DLGAP1: variants seen among roughly 807,000 people sequenced by gnomAD.
The protein encoded by DLGAP1 is disks large-associated protein 1.
A neutral mutation model predicts 90.8 loss-of-function variants in DLGAP1; 11 were observed. That is an observed-to-expected ratio of 0.12 (90% CI 0.08 to 0.20). DLGAP1 has a LOEUF of 0.20. DLGAP1 is among the 10% of genes least tolerant of loss of function. The pLI is 1.00. For synonymous variants in DLGAP1, 558 were observed against 540.7 expected (o/e 1.03, Z -0.44); for missense variants, 1,050 against 1,333.8 (o/e 0.79, Z 3.31).
chr18:3,682,158 C>G (rs2060543878), intron 7 of DLGAP1, among the ~76,000 whole-genome samples: 1 of 150,626 alleles, frequency 6.6e-6, no homozygotes, highest in African/African-American at 2.4e-5. Flanking sequence ...AACGAACGAA[C>G]TAACTAATTA....
At chr18:4,051,840 T>A (rs902701410) in intron 2 of DLGAP1, among the ~76,000 whole-genome samples, 1 of 152,194 alleles carries the variant, frequency 6.6e-6, no homozygotes, top group Admixed American at 6.5e-5. Flanking sequence ...GGTACAGACA[T>A]TGGGTAAATA....
intron 3 of DLGAP1, chr18:3,977,581 C>T (rs758928612): frequency 3.5e-5 from 7 of 201,816 alleles, no homozygotes; most frequent in Admixed American, 6.0e-5. Flanking sequence ...GGACTGAGTG[C>T]GGCAGGGACT....
chr18:4,449,516 A>G (rs2083763926), intron 1 of DLGAP1, among the ~76,000 whole-genome samples: 1 of 152,210 alleles, frequency 6.6e-6, no homozygotes, highest in African/African-American at 2.4e-5. Flanking sequence ...TATGGCCCTT[A>G]TGCACTAAGA....
At chr18:4,147,688 T>C (rs542312004) in intron 2 of DLGAP1, among the ~76,000 whole-genome samples, 2 of 152,004 alleles carry the variant, frequency 1.3e-5, no homozygotes, top group Admixed American at 6.6e-5. Flanking sequence ...GTAAAGGATA[T>C]AAAAATGCAT....
intron 1 of DLGAP1, among the ~76,000 whole-genome samples, chr18:4,322,395 G>T (rs954525623): frequency 4.6e-5 from 7 of 152,104 alleles, no homozygotes; most frequent in Non-Finnish European, 1.0e-4. Context: ...ATGAAAAAAG[G>T]TCAGTCTTTT....
chr18:4,359,341 G>T (rs184253785), intron 1 of DLGAP1, among the ~76,000 whole-genome samples: 1 of 152,152 alleles, frequency 6.6e-6, no homozygotes, highest in Non-Finnish European at 1.5e-5. Context: ...CATGTGAGAG[G>T]TGCCCTTCCT....
At chr18:4,416,140 C>A (rs1247651319) in intron 1 of DLGAP1, among the ~76,000 whole-genome samples, 1 of 152,128 alleles carries the variant, frequency 6.6e-6, no homozygotes, top group African/African-American at 2.4e-5. Context: ...CATATTAATA[C>A]ATCATGAAAT....
intron 7 of DLGAP1, among the ~76,000 whole-genome samples, chr18:3,621,214 T>G (rs996989880): frequency 6.6e-6 from 1 of 152,214 alleles, no homozygotes; most frequent in African/African-American, 2.4e-5. Flanking sequence ...CATTATCTTC[T>G]GTTTCCAGGC....
At chr18:4,262,935 T>A (rs2079032071) in intron 1 of DLGAP1, among the ~76,000 whole-genome samples, 1 of 151,984 alleles carries the variant, frequency 6.6e-6, no homozygotes, top group Non-Finnish European at 1.5e-5. Flanking sequence ...TTATTATTAT[T>A]TTATTATTTT....
At chr18:4,302,557 CAA>C (rs1598853676) in intron 1 of DLGAP1, among the ~76,000 whole-genome samples, 1 of 151,994 alleles carries the variant, frequency 6.6e-6, no homozygotes, top group African/African-American at 2.4e-5. Flanking sequence ...ATGTACAACA[CAA>C]AGTTTTTAAT....
intron 2 of DLGAP1, among the ~76,000 whole-genome samples, chr18:4,092,935 T>A (rs1485755195): frequency 6.6e-6 from 1 of 152,146 alleles, no homozygotes; most frequent in Non-Finnish European, 1.5e-5. Context: ...ATTTCTTCTT[T>A]TAACTGTATG....
intron 7 of DLGAP1, among the ~76,000 whole-genome samples, chr18:3,589,348 C>T (rs533383411): frequency 7.9e-5 from 12 of 152,284 alleles, no homozygotes; most frequent in South Asian, 2.1e-4. Flanking sequence ...AAGTGTCAGG[C>T]GGCCACAAAA....
At chr18:4,334,559 C>T (rs1303317765) in intron 1 of DLGAP1, among the ~76,000 whole-genome samples, 1 of 151,832 alleles carries the variant, frequency 6.6e-6, no homozygotes, top group Non-Finnish European at 1.5e-5. Flanking sequence ...ATGTCCTAGT[C>T]TGAGTTTAGG....
chr18:4,344,972 A>G (rs886369622), intron 1 of DLGAP1, among the ~76,000 whole-genome samples: 3 of 152,186 alleles, frequency 2.0e-5, no homozygotes, highest in African/African-American at 4.8e-5. Context: ...TTAATATTCA[A>G]TATCTCTCTG....
In DLGAP1 at chr18:4,257,677, T is replaced by C. The variant is rs1207898535; in HGVS notation, c.-266-106390A>G. On this transcript the variant is annotated intron_variant, in intron 1 of 12. Transcript: ENST00000315677. ...TGTCGCTCTGTCGCCCAGGCTGGAG[T>C]GCAGTGGCACGATCTTGGCTCACTG... Among the ~76,000 whole-genome samples, 9 of 151,410 alleles carry C rather than the reference T, an allele frequency of 5.9e-5. No individual in the cohort carries two copies. The South Asian group carries it at 1.3e-3, about 21-fold the overall frequency.
chr18:3,759,422 G>A (rs1412424959), intron 5 of DLGAP1, among the ~76,000 whole-genome samples: 1 of 152,186 alleles, frequency 6.6e-6, no homozygotes, highest in Admixed American at 6.5e-5. Flanking sequence ...AAATGAAGGT[G>A]TTGTCCTTTT....
chr18:3,764,847 T>C (rs920092926), intron 5 of DLGAP1, among the ~76,000 whole-genome samples: 9 of 152,154 alleles, frequency 5.9e-5, no homozygotes, highest in Admixed American at 3.9e-4. Context: ...TTTGTGGTAG[T>C]TATCTGGTTT....
At chr18:3,601,061 GATAT>G (rs2056990503) in intron 7 of DLGAP1, among the ~76,000 whole-genome samples, 1 of 147,322 alleles carries the variant, frequency 6.8e-6, no homozygotes, top group African/African-American at 2.5e-5. Context: ...TAGATATATA[GATAT>G]ATAGATATAT....
At chr18:4,069,823 C>T (rs1194163868) in intron 2 of DLGAP1, among the ~76,000 whole-genome samples, 1 of 152,210 alleles carries the variant, frequency 6.6e-6, no homozygotes, top group Non-Finnish European at 1.5e-5. Flanking sequence ...CAATTTATCT[C>T]TTCATTTGTT....
Sources: allele counts gnomAD v4.1 joint callset (sites outside exome capture counted in the v4.1 genomes callset), GRCh38; gene constraint gnomAD v4.1.1; transcripts MANE v1.5; gene names NCBI Gene and HGNC (gene_info 2026-07-23, HGNC 2026-07-21).